KLHL24: variants seen among roughly 807,000 people sequenced by gnomAD.
KLHL24 encodes kelch like family member 24.
In KLHL24, 29 loss-of-function variants were observed where a neutral mutation model predicts 53.4. The observed-to-expected ratio is 0.54, with a 90% CI of 0.40 to 0.74. The LOEUF is 0.74. Among genes scored for constraint, KLHL24 ranks in the 30% least tolerant of loss-of-function variants. KLHL24 has a pLI of 0.00. For missense variants in KLHL24, 504 were observed against 744.0 expected, an observed-to-expected ratio of 0.68 and a Z score of 3.75; for synonymous variants, 222 against 253.7, an observed-to-expected ratio of 0.88 and a Z score of 1.19.
At chr3:183,645,504 G>A (rs1717101488) in intron 2 of KLHL24, among the ~76,000 whole-genome samples, 1 of 152,192 alleles carries the variant, frequency 6.6e-6, no homozygotes, top group African/African-American at 2.4e-5. Flanking sequence ...ATGGGCAACT[G>A]TAACCCAAGT....
intron 2 of KLHL24, among the ~76,000 whole-genome samples, chr3:183,646,183 G>A (rs1007416774): frequency 7.7e-6 from 1 of 129,330 alleles, no homozygotes; most frequent in African/African-American, 3.4e-5. Flanking sequence ...CCAACATGGT[G>A]AAACCCCGTC....
chr3:183,656,037 CTTTT>C (rs760140064), intron 3 of KLHL24, among the ~76,000 whole-genome samples: 10 of 90,886 alleles, frequency 1.1e-4, no homozygotes, highest in South Asian at 3.5e-4. Context: ...CCCTTAGCAT[CTTTT>C]TTTTTTTTTT....
chr3:183,679,896 C>T lies in KLHL24; in HGVS notation c.*610C>T, dbSNP rs1406329306. 1.3e-5 allele frequency: 2 copies of T among 151,956 alleles called. No individual in the cohort carries two copies. Among genetic ancestry groups the T allele is most frequent in the African/African-American group, 2.4e-5 (1 of 41,354 alleles). 9.4% of individuals were successfully genotyped at this position (151,956 alleles called of 1,614,324 possible). On this transcript the variant is annotated 3_prime_UTR_variant, in exon 8 of 8. Transcript: ENST00000242810. ...CTTTATTCTTAGAATTGCTGTCTTACATTAAACATGTTTTTAGGGGGAAGT... is the reference window on the plus strand; with the variant it reads ...CTTTATTCTTAGAATTGCTGTCTTATATTAAACATGTTTTTAGGGGGAAGT...
At chr3:183,667,107 C>A (rs1720675505) in intron 5 of KLHL24, among the ~76,000 whole-genome samples, 1 of 152,128 alleles carries the variant, frequency 6.6e-6, no homozygotes, top group Admixed American at 6.5e-5. Flanking sequence ...CCTCTCTTTC[C>A]CCACAGGGGT....
At chr3:183,642,514 A>G (rs1181412170) in intron 1 of KLHL24, among the ~76,000 whole-genome samples, 1 of 151,242 alleles carries the variant, frequency 6.6e-6, no homozygotes, top group Admixed American at 6.6e-5. Context: ...AGAAACCAGA[A>G]CCACTTGTGT....
chr3:183,638,344 A>G (rs1439517505), intron 1 of KLHL24, among the ~76,000 whole-genome samples: 1 of 152,218 alleles, frequency 6.6e-6, no homozygotes, highest in Non-Finnish European at 1.5e-5. Context: ...CTTTTTCAAT[A>G]ACTTTTTTTA....
At chr3:183,668,187 T>C (rs1360341419) in intron 5 of KLHL24, among the ~76,000 whole-genome samples, 2 of 151,916 alleles carry the variant, frequency 1.3e-5, no homozygotes, top group African/African-American at 2.4e-5. Context: ...TTATATATAG[T>C]GTTTGAGGCT....
intron 7 of KLHL24, among the ~76,000 whole-genome samples, chr3:183,676,895 C>T (rs1343301395): frequency 1.4e-5 from 2 of 141,078 alleles, no homozygotes; most frequent in Non-Finnish European, 3.0e-5. Context: ...ACAAAAATAA[C>T]GAGAGGGTTT....
Position 183,681,845 on chromosome 3 carries a change from A to G in KLHL24, c.*2559A>G, listed in dbSNP as rs975671231. 1.0e-4 allele frequency: 16 copies of G among 152,484 alleles called. No homozygotes were observed. The highest frequency in any genetic ancestry group is 3.9e-4 in the African/African-American group (16 of 41,430). The allele number at this position is 152,484 out of a possible 1,614,324, so 9.4% of individuals were successfully genotyped here. ...TTGTATTCATTCTCTCATCACATAAAGATTTTTCTTTTGATAGGTGATGCT... is the reference window on the plus strand; with the variant it reads ...TTGTATTCATTCTCTCATCACATAAGGATTTTTCTTTTGATAGGTGATGCT... On this transcript the variant is annotated 3_prime_UTR_variant, in exon 8 of 8. Transcript: ENST00000242810.
chr3:183,649,386 A>T (rs772173075), intron 2 of KLHL24, among the ~76,000 whole-genome samples: 4 of 152,168 alleles, frequency 2.6e-5, no homozygotes, highest in Non-Finnish European at 4.4e-5. Flanking sequence ...TCTAGCCAGA[A>T]GATGTACTGT....
At chr3:183,667,851 A>G (rs1002793819) in intron 5 of KLHL24, among the ~76,000 whole-genome samples, 1 of 151,878 alleles carries the variant, frequency 6.6e-6, no homozygotes, top group African/African-American at 2.4e-5. Context: ...CTAGTAGCTA[A>G]GACTGCAGGC....
chr3:183,666,055 A>G lies in KLHL24; in HGVS notation c.1224+1016A>G, dbSNP rs146181349. Among the ~76,000 whole-genome samples the G allele has an allele frequency of 7.3e-3, 1,113 of 151,886 alleles. 20 individuals are homozygous for G. Among genetic ancestry groups the G allele is most frequent in the African/African-American group, 0.026 (1,076 of 41,438 alleles). On this transcript the variant is annotated intron_variant, in intron 5 of 7. Coordinates refer to ENST00000242810, the MANE Select transcript of KLHL24 (RefSeq NM_017644.3). ...TCGCCACCACACCTGGCTAATTTTT[A>G]TATTTTTAGTAGAGGCAGGGTTTCG...
At position 183,643,496 on chromosome 3, in the gene KLHL24, AAC is replaced by A. The variant is rs1414054726; in HGVS notation, c.-102_-101del. 1 of 152,232 alleles carries A rather than the reference AAC, an allele frequency of 6.6e-6. No homozygotes were observed. The highest frequency in any genetic ancestry group is 1.5e-5 in the Non-Finnish European group (1 of 68,040). 9.4% of individuals were successfully genotyped at this position (152,232 alleles called of 1,614,324 possible). A position where few individuals can be genotyped will look rare whatever the true frequency, so the allele number is the denominator to read the frequency against. Reference sequence around the variant, plus strand: ...TTATTTTAGGTGTGGAAATTAAAAGAACACACATATTTTGACTGGGGCTTTGA... The same window carrying A: ...TTATTTTAGGTGTGGAAATTAAAAGAACACATATTTTGACTGGGGCTTTGA... On this transcript the variant is annotated 5_prime_UTR_variant, in exon 2 of 8. Transcript: ENST00000242810.
Position 183,647,062 on chromosome 3 carries a change from C to T in KLHL24, c.-61-3234C>T, listed in dbSNP as rs527782711. On this transcript the variant is annotated intron_variant, in intron 2 of 7. Transcript: ENST00000242810. ...TCCTGACCTTGTGATCCACCCGCCT[C>T]GGTCTTCCAAAGTGCTGGGATTGCA... 4.0e-5 allele frequency among the ~76,000 whole-genome samples: 6 copies of T among 150,366 alleles called. 1 individual carries two copies. Among genetic ancestry groups the T allele is most frequent in the African/African-American group, 7.3e-5 (3 of 40,922 alleles).
intron 1 of KLHL24, among the ~76,000 whole-genome samples, chr3:183,639,465 C>T (rs1301958506): frequency 1.3e-5 from 2 of 151,072 alleles, no homozygotes; most frequent in South Asian, 4.2e-4. Flanking sequence ...CCCGTCTCTA[C>T]TAAAAATACA....
At chr3:183,667,232 A>G (rs1720692015) in intron 5 of KLHL24, among the ~76,000 whole-genome samples, 1 of 152,204 alleles carries the variant, frequency 6.6e-6, no homozygotes, top group East Asian at 1.9e-4. Flanking sequence ...ATCCTGGCCA[A>G]CATGGTGAAA....
chr3:183,637,712 T>A (rs1222838878), intron 1 of KLHL24, among the ~76,000 whole-genome samples: 1 of 152,184 alleles, frequency 6.6e-6, no homozygotes, highest in Admixed American at 6.5e-5. Flanking sequence ...TCTCACTCCG[T>A]CACCCAGGCC....
At chr3:183,673,224 GTAAAA>G (rs1721596781) in intron 7 of KLHL24, among the ~76,000 whole-genome samples, 1 of 152,000 alleles carries the variant, frequency 6.6e-6, no homozygotes, top group African/African-American at 2.4e-5. Flanking sequence ...AAATAAATAA[GTAAAA>G]TAAAATATTT....
intron 5 of KLHL24, among the ~76,000 whole-genome samples, chr3:183,668,743 A>G (rs184259864): frequency 1.3e-5 from 2 of 152,310 alleles, no homozygotes; most frequent in East Asian, 1.9e-4. Context: ...TGTCTCTACA[A>G]AAATACAAAA....
Sources: gnomAD v4.1 joint callset for allele counts (sites outside exome capture counted in the v4.1 genomes callset) on GRCh38, gnomAD v4.1.1 for gene constraint, MANE v1.5 for transcripts, NCBI Gene and HGNC (gene_info 2026-07-23, HGNC 2026-07-21) for gene names.